Variants in GALNTL6 observed in about 807,000 individuals in gnomAD.
GALNTL6 encodes polypeptide N-acetylgalactosaminyltransferase like 6, also known as polypeptide N-acetylgalactosaminyltransferase-like 6.
Under a neutral mutation model 73.7 loss-of-function variants are expected in GALNTL6, and 46 were observed. That is an observed-to-expected ratio of 0.62 (90% CI 0.49 to 0.80). The LOEUF (loss-of-function observed/expected upper bound fraction) is 0.80. Ranked by LOEUF, GALNTL6 falls within the 30% of genes least tolerant of loss-of-function variation. The probability of loss-of-function intolerance (pLI) is 0.00; values close to 1 mark genes in which losing one functional copy is unlikely to be tolerated. For missense variants in GALNTL6, 604 were observed against 755.0 expected (o/e 0.80, Z 2.34); for synonymous variants, 259 against 263.7 (o/e 0.98, Z 0.17).
intron 5 of GALNTL6, among the ~76,000 whole-genome samples, chr4:172,553,415 A>C (rs1736034339): frequency 6.6e-6 from 1 of 152,154 alleles, no homozygotes; most frequent in South Asian, 2.1e-4. Context: ...GACTCATTTT[A>C]GTTTAATCCA....
chr4:171,983,372 A>G (rs1173486632), intron 2 of GALNTL6, among the ~76,000 whole-genome samples: 1 of 152,208 alleles, frequency 6.6e-6, no homozygotes, highest in Non-Finnish European at 1.5e-5. Context: ...GTGCTCCAGA[A>G]AACTTTCAGT....
intron 5 of GALNTL6, among the ~76,000 whole-genome samples, chr4:172,631,550 T>C (rs76054741): frequency 1.3e-3 from 201 of 152,366 alleles, no homozygotes; most frequent in African/African-American, 4.5e-3. Context: ...TTAACTACTT[T>C]CTTTTCTTCA....
Position 172,278,580 on chromosome 4 carries a change from CT to C in GALNTL6, c.248-33030del, listed in dbSNP as rs1160324181. On this transcript the variant is annotated intron_variant, in intron 3 of 12. Coordinates refer to ENST00000506823, the MANE Select transcript of GALNTL6 (RefSeq NM_001034845.3). ...AGTTGTTTCTGGATCCTGTGTTATC[CT>C]TTTGGATTTACTCCTAAATTTCTGT... Among the ~76,000 whole-genome samples, 11 of 151,986 alleles carry C rather than the reference CT, an allele frequency of 7.2e-5. No individual in the cohort carries two copies. The East Asian group carries it at 2.1e-3, about 29-fold the overall frequency.
intron 2 of GALNTL6, among the ~76,000 whole-genome samples, chr4:172,000,466 C>T (rs1410666945): frequency 6.6e-6 from 1 of 152,084 alleles, no homozygotes; most frequent in Non-Finnish European, 1.5e-5. Flanking sequence ...TAAGCATTGC[C>T]TTTGGTACAA....
intron 2 of GALNTL6, among the ~76,000 whole-genome samples, chr4:171,939,239 A>C (rs1738447540): frequency 1.3e-5 from 2 of 152,110 alleles, no homozygotes; most frequent in African/African-American, 4.8e-5. Context: ...CATTGGCATT[A>C]ACTATTGCTT....
At chr4:172,895,814 CT>C (rs1268791656) in intron 8 of GALNTL6, among the ~76,000 whole-genome samples, 2 of 151,968 alleles carry the variant, frequency 1.3e-5, no homozygotes, top group Non-Finnish European at 2.9e-5. Flanking sequence ...TCTTTGTATT[CT>C]TTTTCTTTTT....
chr4:172,191,532 C>T (rs1291386739), intron 2 of GALNTL6, among the ~76,000 whole-genome samples: 3 of 121,608 alleles, frequency 2.5e-5, no homozygotes, highest in African/African-American at 9.4e-5. Flanking sequence ...GACCTCTTCT[C>T]TCATATTTCT....
intron 2 of GALNTL6, among the ~76,000 whole-genome samples, chr4:172,077,477 GC>G (rs758287215): frequency 1.4e-4 from 21 of 152,078 alleles, no homozygotes; most frequent in Admixed American, 9.2e-4. Flanking sequence ...GGCAGCTTTT[GC>G]CCCTTCCCTA....
At chr4:172,745,389 T>C (rs148389517) in intron 5 of GALNTL6, among the ~76,000 whole-genome samples, 153 of 150,456 alleles carry the variant, frequency 1.0e-3, no homozygotes, top group African/African-American at 3.1e-3. Flanking sequence ...TATTACTAGG[T>C]GAAATTGTAG....
At chr4:171,980,476 AT>A (rs1739862950) in intron 2 of GALNTL6, among the ~76,000 whole-genome samples, 1 of 152,178 alleles carries the variant, frequency 6.6e-6, no homozygotes, top group Admixed American at 6.5e-5. Flanking sequence ...ATGGATTTGA[AT>A]TTTTTTGAAA....
At chr4:172,448,556 A>G (rs150105294) in intron 5 of GALNTL6, among the ~76,000 whole-genome samples, 28 of 152,332 alleles carry the variant, frequency 1.8e-4, no homozygotes, top group Middle Eastern at 3.4e-3. Context: ...AATCAGAACA[A>G]GAAAAAAGTT....
intron 5 of GALNTL6, among the ~76,000 whole-genome samples, chr4:172,734,702 G>C (rs919524150): frequency 3.3e-5 from 5 of 152,116 alleles, no homozygotes; most frequent in Admixed American, 6.5e-5. Flanking sequence ...CAGGTGCATG[G>C]TGCAAGCTGT....
chr4:171,869,716 G>A (rs1006235236), intron 2 of GALNTL6, among the ~76,000 whole-genome samples: 3 of 152,052 alleles, frequency 2.0e-5, no homozygotes, highest in Admixed American at 6.6e-5. Context: ...CACATGTGTT[G>A]CGGGAGGGAC....
At chr4:171,921,990 A>C (rs926358758) in intron 2 of GALNTL6, among the ~76,000 whole-genome samples, 5 of 152,062 alleles carry the variant, frequency 3.3e-5, no homozygotes, top group African/African-American at 1.2e-4. Context: ...ATGGTTGTCC[A>C]AAAGCTTCTA....
intron 10 of GALNTL6, among the ~76,000 whole-genome samples, chr4:172,964,695 G>A (rs1322235003): frequency 6.6e-6 from 1 of 152,158 alleles, no homozygotes; most frequent in Non-Finnish European, 1.5e-5. Flanking sequence ...CAGTGCACAA[G>A]GCTTTTCAGG....
chr4:172,859,383 C>T (rs761614370), intron 7 of GALNTL6, among the ~76,000 whole-genome samples: 6 of 152,080 alleles, frequency 3.9e-5, no homozygotes, highest in Non-Finnish European at 8.8e-5. Context: ...TGTCCTGGCT[C>T]TTGGTTATAC....
At chr4:172,298,319 T>C (rs1739765750) in intron 3 of GALNTL6, among the ~76,000 whole-genome samples, 2 of 152,326 alleles carry the variant, frequency 1.3e-5, no homozygotes, top group Admixed American at 1.3e-4. Context: ...TTCGACTTCC[T>C]CTTTTCCTAA....
chr4:171,884,871 C>G (rs532178105), intron 2 of GALNTL6, among the ~76,000 whole-genome samples: 1 of 151,944 alleles, frequency 6.6e-6, no homozygotes, highest in Non-Finnish European at 1.5e-5. Flanking sequence ...GCCTGGCCAA[C>G]ATGGTGAAAC....
chr4:172,512,568 T>G (rs1734462576), intron 5 of GALNTL6, among the ~76,000 whole-genome samples: 1 of 152,172 alleles, frequency 6.6e-6, no homozygotes. Flanking sequence ...AGGTTCTATT[T>G]TGGTGTATTT....
Sources: gnomAD v4.1 joint callset for allele counts (sites outside exome capture counted in the v4.1 genomes callset) on GRCh38, gnomAD v4.1.1 for gene constraint, MANE v1.5 for transcripts, NCBI Gene and HGNC (gene_info 2026-07-23, HGNC 2026-07-21) for gene names.